Variants in UGT8 observed in about 807,000 individuals in gnomAD.
UGT8 encodes 2-hydroxyacylsphingosine 1-beta-galactosyltransferase.
UGT8 carries 12 observed loss-of-function variants against 40.5 expected under a neutral mutation model. The ratio of observed to expected loss-of-function variants is 0.30; its 90% confidence interval spans 0.19 to 0.48. The LOEUF (loss-of-function observed/expected upper bound fraction) is 0.48, where lower values mean the gene tolerates loss of function less well. Ranked by LOEUF, UGT8 falls within the 20% of genes least tolerant of loss-of-function variation. UGT8 has a pLI of 0.99. For synonymous variants in UGT8, 224 were observed against 240.4 expected, an observed-to-expected ratio of 0.93 and a Z score of 0.63; for missense variants, 513 against 648.7, an observed-to-expected ratio of 0.79 and a Z score of 2.27.
rs370510951 is a variant in UGT8 at position 114,673,738 on chromosome 4, T to G, written c.1263-2187T>G. Among the ~76,000 whole-genome samples the G allele has an allele frequency of 5.9e-5, 9 of 152,336 alleles. No individual in the cohort carries two copies. The East Asian group carries it at 1.2e-3, about 20-fold the overall frequency. ...AGATTGGATTTTATTTTCTAAGATG[T>G]CACGTTTCATTTTTGTATTTTAAAG... is the stretch of plus-strand genomic sequence containing the variant. On this transcript the variant is annotated intron_variant, in intron 5 of 5. Coordinates refer to ENST00000310836, the MANE Select transcript of UGT8 (RefSeq NM_001128174.3).
At chr4:114,669,517 G>A (rs529647933) in intron 5 of UGT8, among the ~76,000 whole-genome samples, 1 of 152,126 alleles carries the variant, frequency 6.6e-6, no homozygotes, top group South Asian at 2.1e-4. Flanking sequence ...AGAATTATGG[G>A]GAAACAGTTG....
At chr4:114,666,641 A>G (rs181043882) in intron 4 of UGT8, among the ~76,000 whole-genome samples, 62 of 152,288 alleles carry the variant, frequency 4.1e-4, no homozygotes, top group African/African-American at 1.4e-3. Flanking sequence ...TAACCTGACT[A>G]TCAACTATTT....
intron 1 of UGT8, among the ~76,000 whole-genome samples, chr4:114,610,394 G>A (rs1260401547): frequency 1.3e-5 from 2 of 152,124 alleles, no homozygotes; most frequent in African/African-American, 4.8e-5. Context: ...TTGTGTCAAT[G>A]TTTAAATATA....
intron 2 of UGT8, among the ~76,000 whole-genome samples, chr4:114,643,124 A>C (rs1733330611): frequency 1.3e-5 from 2 of 152,208 alleles, no homozygotes; most frequent in African/African-American, 4.8e-5. Context: ...CCCAGGACTT[A>C]AGATGCACAG....
chr4:114,617,912 A>G lies in UGT8; in HGVS notation c.-2-4967A>G, dbSNP rs540882675. 5.3e-5 allele frequency among the ~76,000 whole-genome samples: 8 copies of G among 152,340 alleles called. No homozygotes were observed. The South Asian group carries it at 6.2e-4, about 12-fold the overall frequency. ...TGTGCCAGCTGAAAGCTGTAGAATT[A>G]CCTACTTTTGGTAGAAATCTTTGAA... is the stretch of plus-strand genomic sequence containing the variant. On this transcript the variant is annotated intron_variant, in intron 1 of 5. Coordinates refer to ENST00000310836, the MANE Select transcript of UGT8 (RefSeq NM_001128174.3).
At chr4:114,614,759 A>G (rs1015612582) in intron 1 of UGT8, among the ~76,000 whole-genome samples, 1 of 151,484 alleles carries the variant, frequency 6.6e-6, no homozygotes. Flanking sequence ...AGAGTTACTT[A>G]TATTTATTAA....
At chr4:114,630,783 A>G (rs926719388) in intron 2 of UGT8, among the ~76,000 whole-genome samples, 1 of 152,342 alleles carries the variant, frequency 6.6e-6, no homozygotes, top group Non-Finnish European at 1.5e-5. Flanking sequence ...TAGGGTAGAA[A>G]GAAGAATTAA....
chr4:114,618,293 A>G (rs1345202907), intron 1 of UGT8, among the ~76,000 whole-genome samples: 1 of 152,222 alleles, frequency 6.6e-6, no homozygotes, highest in Non-Finnish European at 1.5e-5. Context: ...ATAAAATAAT[A>G]TGCCAGTTGT....
intron 1 of UGT8, among the ~76,000 whole-genome samples, chr4:114,609,174 C>G (rs1223312228): frequency 6.6e-6 from 1 of 152,082 alleles, no homozygotes; most frequent in African/African-American, 2.4e-5. Flanking sequence ...GAGGCTCAGG[C>G]TGTAGTGTGC....
chr4:114,623,196 A>G lies in UGT8; in HGVS notation c.316A>G (p.Ile106Val). Residue 106 changes from isoleucine to valine, a missense_variant, in exon 2 of 6, where the codon ATA becomes GTA. Coordinates refer to ENST00000310836, the MANE Select transcript of UGT8 (RefSeq NM_001128174.3). ...GRLTAIELFDILDHYTKNCDL... is the reference protein window; with the variant it reads ...GRLTAIELFDVLDHYTKNCDL... ...ATTGACAGCAATCGAACTGTTTGAC[A>G]TACTGGATCACTATACTAAGAACTG... 6.2e-7 allele frequency: 1 copy of G among 1,614,162 alleles called. No individual in the cohort carries two copies. The highest frequency in any genetic ancestry group is 8.5e-7 in the Non-Finnish European group (1 of 1,180,006).
rs570558077 is a variant in UGT8, at chr4:114,606,567, C to T, written c.-3+7593C>T. On this transcript the variant is annotated intron_variant, in intron 1 of 5. Transcript: ENST00000310836. ...CTGTCTATTCAAAAGGAGGGAAGAA[C>T]GGTGAAATGTATGGATAAAGGCCAA... Among the ~76,000 whole-genome samples, 17 of 152,188 alleles carry T rather than the reference C, an allele frequency of 1.1e-4. No individual in the cohort carries two copies. In the South Asian group the frequency reaches 1.2e-3, roughly 11 times the overall value.
chr4:114,630,179 C>G (rs1732482758), intron 2 of UGT8, among the ~76,000 whole-genome samples: 1 of 152,194 alleles, frequency 6.6e-6, no homozygotes, highest in East Asian at 1.9e-4. Context: ...GACAAACTAC[C>G]TATTTTCTGG....
chr4:114,658,443 A>C (rs547120522), intron 2 of UGT8, among the ~76,000 whole-genome samples: 2 of 152,248 alleles, frequency 1.3e-5, no homozygotes, highest in African/African-American at 4.8e-5. Flanking sequence ...GAGAGAAAAG[A>C]GTGGGTTTGG....
At chr4:114,665,538 T>G in intron 3 of UGT8, 142 bp from the exon 4 acceptor site, 1 of 1,297,130 alleles carries the variant, frequency 7.7e-7, no homozygotes, top group Non-Finnish European at 1.0e-6. Flanking sequence ...ATATTTGCTG[T>G]TACCAAAGCA....
At chr4:114,635,561 G>A (rs943719675) in intron 2 of UGT8, among the ~76,000 whole-genome samples, 1 of 152,070 alleles carries the variant, frequency 6.6e-6, no homozygotes, top group African/African-American at 2.4e-5. Context: ...TTTTGTGATA[G>A]AGAATTTGTG....
intron 3 of UGT8, 57 bp from the exon 4 acceptor site, chr4:114,665,623 C>A: frequency 6.9e-7 from 1 of 1,444,480 alleles, no homozygotes. Flanking sequence ...ATCAGAGAGC[C>A]CATACTATGA....
intron 2 of UGT8, among the ~76,000 whole-genome samples, chr4:114,628,572 GGGCAGTGCTGAAAGTCA>G (rs1732385449): frequency 6.6e-6 from 1 of 151,430 alleles, no homozygotes; most frequent in Non-Finnish European, 1.5e-5. Context: ...ATATAAACAG[GGGCAGTGCTGAAAGTCA>G]GGCCAGCTAT....
At chr4:114,619,863 T>G (rs1731673510) in intron 1 of UGT8, among the ~76,000 whole-genome samples, 1 of 151,888 alleles carries the variant, frequency 6.6e-6, no homozygotes, top group African/African-American at 2.4e-5. Flanking sequence ...TCATTATATT[T>G]GTTTATGGTG....
At chr4:114,611,671 C>G (rs1731099607) in intron 1 of UGT8, among the ~76,000 whole-genome samples, 1 of 150,026 alleles carries the variant, frequency 6.7e-6, no homozygotes, top group African/African-American at 2.4e-5. Context: ...ATCATAGATA[C>G]TTGGAAGACA....
Sources: gnomAD v4.1 joint callset for allele counts (sites outside exome capture counted in the v4.1 genomes callset) on GRCh38, gnomAD v4.1.1 for gene constraint, MANE v1.5 for transcripts, NCBI Gene and HGNC (gene_info 2026-07-23, HGNC 2026-07-21) for gene names.